Variants in SLCO2B1 observed in about 807,000 individuals in gnomAD.
SLCO2B1 encodes solute carrier organic anion transporter family member 2B1, also known as OATP-RP2.
In SLCO2B1, 41 loss-of-function variants were observed where a neutral mutation model predicts 67.3. The ratio of observed to expected loss-of-function variants is 0.61; its 90% CI spans 0.47 to 0.79. The LOEUF (loss-of-function observed/expected upper bound fraction) is 0.79, where lower values mean the gene tolerates loss of function less well. Among genes scored for constraint, SLCO2B1 ranks in the 30% least tolerant of loss-of-function variants. The pLI is 0.00. For synonymous variants in SLCO2B1, 379 were observed against 381.4 expected (o/e 0.99, Z 0.07); for missense variants, 837 against 920.1 (o/e 0.91, Z 1.17).
intron 11 of SLCO2B1, chr11:75,202,537 G>A (rs562834612): frequency 3.9e-6 from 1 of 259,302 alleles, no homozygotes; most frequent in South Asian, 7.8e-5. Context: ...CAGTGGTTGG[G>A]GATGCTGGGG....
At chr11:75,176,058 T>G (rs1437148490) in intron 7 of SLCO2B1, among the ~76,000 whole-genome samples, 1 of 152,124 alleles carries the variant, frequency 6.6e-6, no homozygotes, top group Non-Finnish European at 1.5e-5. Context: ...AGGCCTCACC[T>G]CCCTCTAGGC....
intron 7 of SLCO2B1, among the ~76,000 whole-genome samples, chr11:75,187,123 C>T (rs900419135): frequency 1.3e-5 from 2 of 152,070 alleles, no homozygotes; most frequent in Non-Finnish European, 2.9e-5. Context: ...TTGGTAGGGA[C>T]GTATATACTT....
At chr11:75,195,232 T>G (rs1051206121) in intron 9 of SLCO2B1, among the ~76,000 whole-genome samples, 1 of 152,170 alleles carries the variant, frequency 6.6e-6, no homozygotes, top group African/African-American at 2.4e-5. Flanking sequence ...GAGGAAGGAC[T>G]CCCTAGCTCT....
intron 13 of SLCO2B1, chr11:75,203,717 G>C (rs1478521451): frequency 8.3e-6 from 3 of 362,888 alleles, no homozygotes; most frequent in Non-Finnish European, 1.5e-5. Flanking sequence ...GAGAAACAGA[G>C]GAGCAGCCAT....
In SLCO2B1 at chr11:75,203,473, C is replaced by G. The variant is rs75900262; in HGVS notation, c.1949+46C>G. 1.7e-4 allele frequency: 278 copies of G among 1,610,158 alleles called. No homozygotes were observed. In the African/African-American group the frequency reaches 3.5e-3, roughly 20 times the overall value. On this transcript the variant is annotated intron_variant, in intron 13 of 13. Transcript: ENST00000289575. ...TTGTGGGAAGGGTGCTGGAAATACT[C>G]TCAGAGTCCCAGGCAGGATACCAGC...
intron 8 of SLCO2B1, among the ~76,000 whole-genome samples, chr11:75,191,410 C>A (rs2140335776): frequency 1.3e-5 from 2 of 152,324 alleles, no homozygotes; most frequent in Middle Eastern, 6.8e-3. Context: ...CATACCTCTT[C>A]ACTCTAATGC....
Position 75,165,810 on chromosome 11 carries a change from G to A in SLCO2B1, c.309G>A (p.Val103=). The change falls in exon 4 of 14, where the codon GTG becomes GTA. Residue 103 remains valine (V), a synonymous_variant. Transcript: ENST00000289575. ...AGGTGGGGAACACAGCCTTGATTGT[G>A]TTTGTGAGCTATTTTGGCAGCCGGG... ...FNEVGNTALI[V]FVSYFGSRVH... 3 of 1,614,220 alleles carry A rather than the reference G, an allele frequency of 1.9e-6. No individual in the cohort carries two copies. The highest frequency in any genetic ancestry group is 2.5e-6 in the Non-Finnish European group (3 of 1,180,036).
At chr11:75,184,065 C>A (rs1037823637) in intron 7 of SLCO2B1, among the ~76,000 whole-genome samples, 3 of 152,172 alleles carry the variant, frequency 2.0e-5, no homozygotes, top group African/African-American at 7.2e-5. Context: ...CTCTGAGGAC[C>A]CTTTGCCTGT....
intron 7 of SLCO2B1, among the ~76,000 whole-genome samples, chr11:75,184,290 T>C (rs898375331): frequency 3.3e-5 from 5 of 152,182 alleles, no homozygotes; most frequent in Non-Finnish European, 7.4e-5. Context: ...AAGATAAACA[T>C]GAATCCTGCT....
intron 1 of SLCO2B1, among the ~76,000 whole-genome samples, chr11:75,155,018 A>G (rs1412297270): frequency 6.6e-6 from 1 of 152,156 alleles, no homozygotes; most frequent in Non-Finnish European, 1.5e-5. Flanking sequence ...TTTTTAGGTC[A>G]TCCTGGGTCT....
chr11:75,198,500 T>C (rs1945135926), intron 10 of SLCO2B1, among the ~76,000 whole-genome samples: 2 of 152,246 alleles, frequency 1.3e-5, no homozygotes, highest in African/African-American at 2.4e-5. Flanking sequence ...ACGCCCATTG[T>C]ACAGATGAGA....
At position 75,200,403 on chromosome 11, in the gene SLCO2B1, G is replaced by C; in HGVS notation, c.1763+16G>C. 6.4e-7 allele frequency: 1 copy of C among 1,572,430 alleles called. No homozygotes were observed. The highest frequency in any genetic ancestry group is 8.7e-7 in the Non-Finnish European group (1 of 1,154,938). On this transcript the variant is annotated intron_variant, in intron 11 of 13. Coordinates refer to ENST00000289575, the MANE Select transcript of SLCO2B1 (RefSeq NM_007256.5). ...TCATCCTAAGGTGAAGGTGGGGGTG[G>C]GGCAGGGGCAGGTGGATACCAGGAG... is the stretch of plus-strand genomic sequence containing the variant.
chr11:75,164,097 C>G lies in SLCO2B1; in HGVS notation c.282C>G (p.Asn94Lys). 6.2e-7 allele frequency: 1 copy of G among 1,606,914 alleles called. No homozygotes were observed. The highest frequency in any genetic ancestry group is 8.5e-7 in the Non-Finnish European group (1 of 1,177,154). The change falls in exon 3 of 14, where the codon AAC (asparagine) becomes AAG (lysine). Residue 94 changes from asparagine to lysine, a missense_variant. Asn to Lys is a moderately conservative substitution (Grantham distance 94). Transcript: ENST00000289575. ...SQTSGLLASF[N>K]EVGNTALIVF... is the part of the protein sequence containing the mutation. ...CGTCGGGGCTGCTGGCCTCCTTCAA[C>G]GAGGTACAGGCCCCACCCAGCCACA... is the stretch of plus-strand genomic sequence containing the variant.
intron 7 of SLCO2B1, among the ~76,000 whole-genome samples, chr11:75,177,087 G>T (rs924407475): frequency 1.3e-5 from 2 of 151,922 alleles, no homozygotes; most frequent in Non-Finnish European, 2.9e-5. Flanking sequence ...GTGGTTTTTC[G>T]AATTGAACCC....
chr11:75,172,812 C>G (rs552639250), intron 7 of SLCO2B1, among the ~76,000 whole-genome samples: 3 of 152,068 alleles, frequency 2.0e-5, no homozygotes, highest in Non-Finnish European at 4.4e-5. Flanking sequence ...ACCTGTAGTC[C>G]CAGCTACTCA....
chr11:75,190,912 A>C (rs1411575990), intron 8 of SLCO2B1, among the ~76,000 whole-genome samples: 1 of 152,174 alleles, frequency 6.6e-6, no homozygotes, highest in African/African-American at 2.4e-5. Flanking sequence ...TCTGCCTCAG[A>C]GCTGGAGATG....
chr11:75,195,984 G>A (rs1046058309), intron 9 of SLCO2B1, among the ~76,000 whole-genome samples: 5 of 152,174 alleles, frequency 3.3e-5, no homozygotes, highest in Non-Finnish European at 7.3e-5. Context: ...GAGGCAAGTG[G>A]GACTAAAATG....
At chr11:75,187,787 T>C (rs563387309) in intron 7 of SLCO2B1, among the ~76,000 whole-genome samples, 24 of 152,172 alleles carry the variant, frequency 1.6e-4, no homozygotes, top group African/African-American at 5.8e-4. Flanking sequence ...TGAATGAGGG[T>C]GATATTTAAG....
rs1339481617 is a variant in SLCO2B1, at chr11:75,176,246, CT to C, written c.972+3678del. 2.4e-3 allele frequency among the ~76,000 whole-genome samples: 371 copies of C among 152,286 alleles called. 5 individuals are homozygous for C. The highest frequency in any genetic ancestry group is 8.8e-3 in the African/African-American group (365 of 41,558). On this transcript the variant is annotated intron_variant, in intron 7 of 13. Transcript: ENST00000289575. ...TGCTCCCATTCAGCCAGCAACTCTCCTGGGCCCGCCATGCCCTCTGGTCCTT... is the reference window on the plus strand; with the variant it reads ...TGCTCCCATTCAGCCAGCAACTCTCCGGGCCCGCCATGCCCTCTGGTCCTT...
Sources: gnomAD v4.1 joint callset for allele counts (sites outside exome capture counted in the v4.1 genomes callset) on GRCh38, gnomAD v4.1.1 for gene constraint, MANE v1.5 for transcripts, NCBI Gene and HGNC (gene_info 2026-07-23, HGNC 2026-07-21) for gene names.